Variants in NEBL observed in about 807,000 individuals in gnomAD.
The protein encoded by NEBL is nebulette.
In NEBL, 122 loss-of-function variants were observed where a neutral mutation model predicts 140.2. That is an observed-to-expected ratio of 0.87 (90% CI 0.75 to 1.01). The LOEUF is 1.01. NEBL is among the 50% of genes least tolerant of loss of function. NEBL has a pLI of 0.00. For missense variants in NEBL, 1,365 were observed against 1,231.3 expected (o/e 1.11, Z -1.62); for synonymous variants, 436 against 398.9 (o/e 1.09, Z -1.11).
At chr10:21,168,367 A>T (rs1242986298) in intron 2 of NEBL, among the ~76,000 whole-genome samples, 1 of 152,198 alleles carries the variant, frequency 6.6e-6, no homozygotes, top group African/African-American at 2.4e-5. Flanking sequence ...TTTTTTCATA[A>T]GAAATGCTAC....
intron 24 of NEBL, among the ~76,000 whole-genome samples, chr10:20,810,617 G>C (rs1442466343): frequency 2.0e-5 from 3 of 152,186 alleles, no homozygotes; most frequent in African/African-American, 7.2e-5. Flanking sequence ...ATCAGACTGT[G>C]CAAACCACTT....
chr10:20,972,571 T>C (rs1011044939), intron 3 of NEBL, among the ~76,000 whole-genome samples: 3 of 151,908 alleles, frequency 2.0e-5, no homozygotes, highest in African/African-American at 7.2e-5. Context: ...GGTGAAACCC[T>C]GTCTCTACTA....
intron 2 of NEBL, among the ~76,000 whole-genome samples, chr10:21,104,120 AT>A (rs1457618917): frequency 2.0e-5 from 3 of 152,212 alleles, no homozygotes; most frequent in Non-Finnish European, 4.4e-5. Context: ...CGCCCTGTAT[AT>A]CTTCTACCTG....
chr10:21,136,248 A>G lies in NEBL; in HGVS notation c.164+36135T>C, dbSNP rs568981586. On this transcript the variant is annotated intron_variant, in intron 2 of 6. Coordinates refer to the NEBL transcript ENST00000417816. ...TTGCTGGATCCAATTCTCTAGTAAT[A>G]TATTTCCAAAATCTCCATTTTTAAG... Among the ~76,000 whole-genome samples, 4 of 152,340 alleles carry G rather than the reference A, an allele frequency of 2.6e-5. No individual in the cohort carries two copies. In the South Asian group the frequency reaches 8.3e-4, roughly 32 times the overall value.
chr10:21,225,524 G>A (rs944023960), intron 3 of NEBL, among the ~76,000 whole-genome samples: 5 of 152,292 alleles, frequency 3.3e-5, no homozygotes, highest in Admixed American at 1.3e-4. Context: ...CTGGGAGCTA[G>A]GGCCTGAATT....
At position 21,083,940 on chromosome 10, in the gene NEBL, T is replaced by C. The variant is rs542628157; in HGVS notation, c.165-63739A>G. Among the ~76,000 whole-genome samples the C allele has an allele frequency of 2.4e-3, 365 of 152,336 alleles. 2 individuals carry two copies. The highest frequency in any genetic ancestry group is 2.4e-3 in the Non-Finnish European group (164 of 68,028). ...CTTCCAGAGGCAGCGTACCTTTTCT[T>C]ACTGAAGAGCCTATGGCCTGGGCTT... is the stretch of plus-strand genomic sequence containing the variant. On this transcript the variant is annotated intron_variant, in intron 2 of 6. Coordinates refer to the NEBL transcript ENST00000417816.
rs74870833 is a variant in NEBL, at chr10:20,968,621, C to G, written c.250-6842G>C. Reference sequence around the variant, plus strand: ...AAGTGCAGTGAGAACTATGCAAGGACGGAAGGTATATATAGGAGGAGAACA... The same window carrying G: ...AAGTGCAGTGAGAACTATGCAAGGAGGGAAGGTATATATAGGAGGAGAACA... On this transcript the variant is annotated intron_variant, in intron 3 of 6. Coordinates refer to the NEBL transcript ENST00000417816. Among the ~76,000 whole-genome samples, 21 of 152,262 alleles carry G rather than the reference C, an allele frequency of 1.4e-4. No homozygotes were observed. In the East Asian group the frequency reaches 3.9e-3, roughly 28 times the overall value.
intron 2 of NEBL, among the ~76,000 whole-genome samples, chr10:21,024,943 A>C (rs1838963130): frequency 6.6e-6 from 1 of 152,236 alleles, no homozygotes; most frequent in Admixed American, 6.5e-5. Context: ...CCATACAATT[A>C]ATTCTAAAGC....
At chr10:20,848,223 T>C (rs185753072) in intron 11 of NEBL, among the ~76,000 whole-genome samples, 173 of 152,332 alleles carry the variant, frequency 1.1e-3, no homozygotes, top group African/African-American at 4.0e-3. Flanking sequence ...ATGAAAAGAA[T>C]GTATAAAATA....
chr10:21,045,836 A>G (rs1170373239), intron 2 of NEBL, among the ~76,000 whole-genome samples: 3 of 152,220 alleles, frequency 2.0e-5, no homozygotes, highest in East Asian at 3.8e-4. Context: ...TAGAATTACT[A>G]TGTAATCCAG....
chr10:21,092,258 C>A (rs1010237425), intron 2 of NEBL, among the ~76,000 whole-genome samples: 3 of 152,130 alleles, frequency 2.0e-5, no homozygotes, highest in Non-Finnish European at 4.4e-5. Context: ...ATTGATATGC[C>A]ATTACTACAG....
intron 2 of NEBL, chr10:21,110,623 A>G: frequency 2.8e-6 from 1 of 361,714 alleles, no homozygotes; most frequent in South Asian, 2.2e-5. Flanking sequence ...TCTTCTCTGG[A>G]GCAGTAATCA....
intron 4 of NEBL, among the ~76,000 whole-genome samples, chr10:20,959,643 T>G (rs536236424): frequency 6.6e-6 from 1 of 152,270 alleles, no homozygotes; most frequent in East Asian, 1.9e-4. Context: ...CTCCCTTCTT[T>G]AAGAGTTGTT....
intron 2 of NEBL, among the ~76,000 whole-genome samples, chr10:21,147,041 C>G (rs1367771135): frequency 2.6e-5 from 4 of 152,178 alleles, no homozygotes; most frequent in African/African-American, 4.8e-5. Context: ...CTTCTAGTGA[C>G]TCTTCAAGTC....
chr10:21,119,976 C>T (rs1056837995), intron 2 of NEBL, among the ~76,000 whole-genome samples: 5 of 151,922 alleles, frequency 3.3e-5, no homozygotes, highest in African/African-American at 7.3e-5. Context: ...CCTCATGATT[C>T]GATTCAGGTG....
At chr10:20,810,160 C>A (rs1461766071) in intron 24 of NEBL, among the ~76,000 whole-genome samples, 2 of 152,120 alleles carry the variant, frequency 1.3e-5, no homozygotes, top group Admixed American at 6.5e-5. Context: ...CCCTATCAGA[C>A]CTTGCTGAAG....
intron 3 of NEBL, among the ~76,000 whole-genome samples, chr10:20,965,739 G>A (rs879696948): frequency 9.9e-5 from 15 of 152,162 alleles, no homozygotes; most frequent in Admixed American, 2.0e-4. Context: ...GGACAGACGC[G>A]AGAAGCCCAG....
chr10:21,147,608 C>A (rs1839955187), intron 2 of NEBL, among the ~76,000 whole-genome samples: 2 of 152,188 alleles, frequency 1.3e-5, no homozygotes, highest in Non-Finnish European at 2.9e-5. Flanking sequence ...TAAGTCCTTT[C>A]TTCCCAGGGA....
At chr10:20,787,114 T>A in intron 27 of NEBL, 88 bp downstream of exon 27, 1 of 1,012,456 alleles carries the variant, frequency 9.9e-7, no homozygotes, top group Non-Finnish European at 1.5e-6. Flanking sequence ...TACCCAATAT[T>A]CAATTCAACT....
Sources: allele counts gnomAD v4.1 joint callset (sites outside exome capture counted in the v4.1 genomes callset), GRCh38; gene constraint gnomAD v4.1.1; transcripts MANE v1.5; gene names NCBI Gene and HGNC (gene_info 2026-07-23, HGNC 2026-07-21).